MMP11: variants seen among roughly 807,000 people sequenced by gnomAD.
The protein encoded by MMP11 is matrix metallopeptidase 11.
A neutral mutation model predicts 49.5 loss-of-function variants in MMP11; 26 were observed. The observed-to-expected ratio is 0.52, with a 90% CI of 0.38 to 0.73. The LOEUF is 0.73. MMP11 is among the 30% of genes least tolerant of loss of function. The pLI is 0.00. For missense variants in MMP11, 624 were observed against 671.2 expected, an observed-to-expected ratio of 0.93 and a Z score of 0.78; for synonymous variants, 265 against 282.3, an observed-to-expected ratio of 0.94 and a Z score of 0.62.
chr22:23,776,667 G>A (rs748740788), intron 1 of MMP11, among the ~76,000 whole-genome samples: 6 of 152,198 alleles, frequency 3.9e-5, no homozygotes, highest in Non-Finnish European at 7.3e-5. Context: ...GTCTGATCAA[G>A]CTGCTTAACT....
rs1601373058 is a variant in MMP11 at position 23,780,266 on chromosome 22, C to G, written c.339-93C>G. 2.0e-6 allele frequency: 3 copies of G among 1,526,346 alleles called. No individual in the cohort carries two copies. Among genetic ancestry groups the G allele is most frequent in the South Asian group, 2.4e-5 (2 of 84,688 alleles). 94.6% of individuals were successfully genotyped at this position (1,526,346 alleles called of 1,614,324 possible). On this transcript the variant is annotated intron_variant, in intron 2 of 7. Transcript: ENST00000215743. The surrounding 1 kb of genome is among the most constrained non-coding windows in gnomAD (Gnocchi z 4.6). ...ACCTGGCCTGTGTCCTGAGTGTTCA[C>G]ACACCCACCAAGCATCCAGGGGCAA...
rs377316246 is a variant in MMP11 at position 23,782,220 on chromosome 22, C to T, written c.1076-6C>T. The T allele has an allele frequency of 5.0e-5, 80 of 1,607,346 alleles. No homozygotes were observed. The African/African-American group carries it at 7.1e-4, about 14-fold the overall frequency. ...GCAGGTCCTTGCAGCCTTCCCTCTCCGGCAGGTGCTCAGTACTGGGTGTAC... is the reference window on the plus strand; with the variant it reads ...GCAGGTCCTTGCAGCCTTCCCTCTCTGGCAGGTGCTCAGTACTGGGTGTAC... On this transcript the variant is annotated splice_polypyrimidine_tract_variant and splice_region_variant and intron_variant, in intron 6 of 7. Transcript: ENST00000215743.
Position 23,782,481 on chromosome 22 carries a change from A to C in MMP11, c.1331A>C (p.Asp444Ala). Residue 444 changes from aspartate to alanine, a missense_variant and splice_region_variant, in exon 7 of 8, where the codon GAT (aspartate) becomes GCT (alanine). Coordinates refer to ENST00000215743, the MANE Select transcript of MMP11 (RefSeq NM_005940.5). ...ATCGACGCTGCCTTCCAGGATGCTG[A>C]TGGTGCGTTGGGGGTGAGGCAGCTG... ...SEIDAAFQDA[D>A]GYAYFLRGRL... The C allele has an allele frequency of 6.2e-7, 1 of 1,608,184 alleles. No homozygotes were observed. The highest frequency in any genetic ancestry group is 8.5e-7 in the Non-Finnish European group (1 of 1,177,206).
At chr22:23,773,055 G>C (rs1457510300) in intron 1 of MMP11, 77 bp downstream of exon 1, 1 of 1,110,696 alleles carries the variant, frequency 9.0e-7, no homozygotes. Context: ...CGGCGGATCC[G>C]GACCGAAGGG....
At position 23,782,380 on chromosome 22, in the gene MMP11, T is replaced by C; in HGVS notation, c.1230T>C (p.Arg410=). Residue 410 remains arginine, a synonymous_variant, in exon 7 of 8, where the codon CGT becomes CGC. Coordinates refer to ENST00000215743, the MANE Select transcript of MMP11 (RefSeq NM_005940.5). The part of the protein sequence containing the change: ...IYFFRGRDYW[R]FHPSTRRVDS... Reference sequence around the variant, plus strand: ...TCTTCCGAGGCAGGGACTACTGGCGTTTCCACCCCAGCACCCGGCGTGTAG... The same window carrying C: ...TCTTCCGAGGCAGGGACTACTGGCGCTTCCACCCCAGCACCCGGCGTGTAG... 6.2e-7 allele frequency: 1 copy of C among 1,613,836 alleles called. No homozygotes were observed. Among genetic ancestry groups the C allele is most frequent in the Non-Finnish European group, 8.5e-7 (1 of 1,179,976 alleles).
rs745664845 is a variant in MMP11 at position 23,780,746 on chromosome 22, G to A, written c.616+31G>A. Reference sequence around the variant, plus strand: ...GGCTGGGGACCCATTTTCCAGATGGGGCAACCGAAGATCATAAAGAATGGG... The same window carrying A: ...GGCTGGGGACCCATTTTCCAGATGGAGCAACCGAAGATCATAAAGAATGGG... On this transcript the variant is annotated intron_variant, in intron 4 of 7. Coordinates refer to ENST00000215743, the MANE Select transcript of MMP11 (RefSeq NM_005940.5). This position sits in a 1 kb window ranked among gnomAD's most constrained non-coding sequence, Gnocchi z 4.6. 3 of 1,547,642 alleles carry A rather than the reference G, an allele frequency of 1.9e-6. No individual in the cohort carries two copies. The highest frequency in any genetic ancestry group is 2.5e-5 in the South Asian group (2 of 80,208).
In MMP11 at chr22:23,780,510, G is replaced by A. The variant is rs1235694436; in HGVS notation, c.482+8G>A. 6.2e-7 allele frequency: 1 copy of A among 1,613,632 alleles called. No homozygotes were observed. The highest frequency in any genetic ancestry group is 8.5e-7 in the Non-Finnish European group (1 of 1,180,024). On this transcript the variant is annotated splice_region_variant and intron_variant, in intron 3 of 7. Coordinates refer to ENST00000215743, the MANE Select transcript of MMP11 (RefSeq NM_005940.5). The surrounding 1 kb of genome is among the most constrained non-coding windows in gnomAD (Gnocchi z 4.6). Reference sequence around the variant, plus strand: ...CATGATCGACTTCGCCAGGTGAATGGGCGGCCTGGGACCCCTCCGGGAACA... The same window carrying A: ...CATGATCGACTTCGCCAGGTGAATGAGCGGCCTGGGACCCCTCCGGGAACA...
rs772882567 is a variant in MMP11, at chr22:23,780,512, C to T, written c.482+10C>T. On this transcript the variant is annotated intron_variant, in intron 3 of 7. Transcript: ENST00000215743. This position sits in a 1 kb window ranked among gnomAD's most constrained non-coding sequence, Gnocchi z 4.6. ...TGATCGACTTCGCCAGGTGAATGGG[C>T]GGCCTGGGACCCCTCCGGGAACAGC... 24 of 1,613,490 alleles carry T rather than the reference C, an allele frequency of 1.5e-5. No individual in the cohort carries two copies. The highest frequency in any genetic ancestry group is 4.0e-5 in the African/African-American group (3 of 74,924).
At chr22:23,781,168 C>A in intron 5 of MMP11, 25 bp from the exon 6 acceptor site, 3 of 1,610,022 alleles carry the variant, frequency 1.9e-6, no homozygotes, top group Non-Finnish European at 2.5e-6. Context: ...ATGCCCTCAG[C>A]ATGTGTCCCT....
chr22:23,781,566 T>C (rs1026102511), intron 6 of MMP11, 157 bp downstream of exon 6: 9 of 728,644 alleles, frequency 1.2e-5, no homozygotes, highest in Non-Finnish European at 1.8e-5. Flanking sequence ...GGTTTGTTCC[T>C]CAGGCACAGG....
chr22:23,775,009 G>C (rs1927361608), intron 1 of MMP11, among the ~76,000 whole-genome samples: 7 of 152,236 alleles, frequency 4.6e-5, no homozygotes, highest in Admixed American at 4.6e-4. Flanking sequence ...GCAGAAGAGG[G>C]TGGGGCTGAG....
At chr22:23,782,767 G>A (rs934338069) in intron 7 of MMP11, 4 of 535,502 alleles carry the variant, frequency 7.5e-6, no homozygotes, top group African/African-American at 3.8e-5. Context: ...AATGCTCTAA[G>A]CTCCTTACTG....
intron 2 of MMP11, chr22:23,779,947 T>C (rs1927556221): frequency 3.8e-6 from 1 of 261,114 alleles, no homozygotes; most frequent in African/African-American, 2.2e-5. Flanking sequence ...TCACACATCC[T>C]GCGGGTGGGG....
rs767814174 is a variant in MMP11 at position 23,782,408 on chromosome 22, A to T, written c.1258A>T (p.Ser420Cys). The T allele has an allele frequency of 5.0e-6, 8 of 1,613,868 alleles. No homozygotes were observed. The East Asian group carries it at 1.8e-4, about 36-fold the overall frequency. Residue 420 changes from serine (S) to cysteine (C), a missense_variant, in exon 7 of 8, where the codon AGT becomes TGT. Physicochemically the swap from Ser to Cys is moderately radical, Grantham distance 112 (BLOSUM62 -1). Transcript: ENST00000215743. ...CCACCCCAGCACCCGGCGTGTAGAC[A>T]GTCCCGTGCCCCGCAGGGCCACTGA... ...RFHPSTRRVD[S>C]PVPRRATDWR...
intron 7 of MMP11, 72 bp downstream of exon 7, chr22:23,782,555 C>T: frequency 6.7e-7 from 1 of 1,495,046 alleles, no homozygotes; most frequent in South Asian, 1.3e-5. Flanking sequence ...GGTGGCTGGG[C>T]TCCCACATGC....
Position 23,780,443 on chromosome 22 carries a change from G to A in MMP11, c.423G>A (p.Thr141=), listed in dbSNP as rs144331076. The change falls in exon 3 of 8, where the codon ACG becomes ACA. Residue 141 remains threonine, a synonymous_variant. Coordinates refer to ENST00000215743, the MANE Select transcript of MMP11 (RefSeq NM_005940.5). This position sits in a 1 kb window ranked among gnomAD's most constrained non-coding sequence, Gnocchi z 4.6. The part of the protein sequence containing the change: ...AEALKVWSDV[T]PLTFTEVHEG... ...CCCTAAAGGTATGGAGCGATGTGAC[G>A]CCACTCACCTTTACTGAGGTGCACG... 32 of 1,613,934 alleles carry A rather than the reference G, an allele frequency of 2.0e-5. No homozygotes were observed. The highest frequency in any genetic ancestry group is 1.6e-4 in the Middle Eastern group (1 of 6,074).
Position 23,782,362 on chromosome 22 carries a change from AG to A in MMP11, c.1214del (p.Gly405AlafsTer14). ...AGAAGAACAAGATCTACTTCTTCCG[AG>A]GCAGGGACTACTGGCGTTTCCACCC... is the stretch of plus-strand genomic sequence containing the variant. Reference protein sequence around the residue: ...PEKNKIYFFRGRDYWRFHPST... With the variant: ...PEKNKIYFFRXRDYWRFHPST... On this transcript the variant is annotated frameshift_variant, in exon 7 of 8. Transcript: ENST00000215743. LOFTEE classifies it high-confidence loss of function. 1 of 1,613,948 alleles carries A rather than the reference AG, an allele frequency of 6.2e-7. No homozygotes were observed. Among genetic ancestry groups the A allele is most frequent in the Non-Finnish European group, 8.5e-7 (1 of 1,180,000 alleles).
intron 6 of MMP11, 123 bp from the exon 7 acceptor site, chr22:23,782,103 G>T: frequency 2.8e-6 from 4 of 1,423,672 alleles, no homozygotes; most frequent in Non-Finnish European, 3.8e-6. Context: ...TTATTGGCCT[G>T]CATGTTTTAC....
intron 1 of MMP11, among the ~76,000 whole-genome samples, chr22:23,773,736 T>G (rs1403885524): frequency 6.6e-6 from 1 of 152,176 alleles, no homozygotes; most frequent in Admixed American, 6.5e-5. Context: ...AAGCTGCCCC[T>G]TCCCTGGGGC....
Sources: allele counts gnomAD v4.1 joint callset (sites outside exome capture counted in the v4.1 genomes callset), GRCh38; gene constraint gnomAD v4.1.1; non-coding constraint Gnocchi (gnomAD v3.1); transcripts MANE v1.5; gene names NCBI Gene and HGNC (gene_info 2026-07-23, HGNC 2026-07-21).